AJAP1: variants seen among roughly 807,000 people sequenced by gnomAD.
AJAP1 encodes adherens junction-associated protein 1.
Under a neutral mutation model 35.0 loss-of-function variants are expected in AJAP1, and 5 were observed. The ratio of observed to expected loss-of-function variants is 0.14; its 90% CI spans 0.07 to 0.30. AJAP1 has a LOEUF of 0.30. Ranked by LOEUF, AJAP1 falls within the 10% of genes least tolerant of loss-of-function variation. The probability of loss-of-function intolerance (pLI) is 1.00; values close to 1 mark genes in which losing one functional copy is unlikely to be tolerated. For synonymous variants in AJAP1, 284 were observed against 249.3 expected (o/e 1.14, Z -1.31); for missense variants, 586 against 571.0 (o/e 1.03, Z -0.27).
Position 4,656,370 on chromosome 1 carries a change from A to G in AJAP1, c.29+916A>G, listed in dbSNP as rs1365342852. On this transcript the variant is annotated intron_variant, in intron 1 of 5. Transcript: ENST00000378191. The surrounding 1 kb of genome is among the most constrained non-coding windows in gnomAD (Gnocchi z 5.7). The stretch of plus-strand genomic sequence containing the variant: ...CCCTCGCCCTCCTGCCGGGGCATTC[A>G]CCGAGCTCGTGCATTTGGGTCCCGG... 6.6e-6 allele frequency among the ~76,000 whole-genome samples: 1 copy of G among 152,080 alleles called. No homozygotes were observed. Among genetic ancestry groups the G allele is most frequent in the Non-Finnish European group, 1.5e-5 (1 of 68,024 alleles).
Position 4,774,558 on chromosome 1 carries a change from G to C in AJAP1, c.*59G>C, listed in dbSNP as rs1477936070. The C allele has an allele frequency of 1.3e-6, 2 of 1,506,002 alleles. No individual in the cohort carries two copies. The highest frequency in any genetic ancestry group is 3.3e-5 in the Admixed American group (2 of 59,840). The allele number at this position is 1,506,002 out of a possible 1,614,324, so 93.3% of individuals were successfully genotyped here. The stretch of plus-strand genomic sequence containing the variant: ...GGCAGACGCCGTGTGTCTGTTTCAC[G>C]GTAGGTACCTCTCTTTGGACATTCC... On this transcript the variant is annotated splice_region_variant and 3_prime_UTR_variant, in exon 5 of 6. Coordinates refer to ENST00000378191, the MANE Select transcript of AJAP1 (RefSeq NM_018836.4).
intron 2 of AJAP1, among the ~76,000 whole-genome samples, chr1:4,745,733 A>T (rs1368417012): frequency 3.3e-5 from 5 of 152,042 alleles, no homozygotes; most frequent in African/African-American, 1.2e-4. Context: ...TCACGTGGGG[A>T]TGGTGGGTGG....
At chr1:4,772,230 G>A in intron 3 of AJAP1, 50 bp from the exon 4 acceptor site, 1 of 1,605,734 alleles carries the variant, frequency 6.2e-7, no homozygotes, top group Non-Finnish European at 8.5e-7. Context: ...TTGTGTTTGT[G>A]GGTTTCCGGC....
rs569513198 is a variant in AJAP1, at chr1:4,702,620, C to T, written c.30-9280C>T. On this transcript the variant is annotated intron_variant, in intron 1 of 5. Coordinates refer to ENST00000378191, the MANE Select transcript of AJAP1 (RefSeq NM_018836.4). Reference sequence around the variant, plus strand: ...CTGTCATGGTCCCTTCCGTCTGGGGCGTCCTGGGGCTCCCGGTGAGGCCAG... The same window carrying T: ...CTGTCATGGTCCCTTCCGTCTGGGGTGTCCTGGGGCTCCCGGTGAGGCCAG... 4.6e-5 allele frequency among the ~76,000 whole-genome samples: 7 copies of T among 152,278 alleles called. No homozygotes were observed. In the South Asian group the frequency reaches 1.0e-3, roughly 23 times the overall value.
In AJAP1 at chr1:4,764,618, C is replaced by A. The variant is rs375392462; in HGVS notation, c.830-5235C>A. On this transcript the variant is annotated intron_variant, in intron 2 of 5. Transcript: ENST00000378191. ...TGTCACCTGTCACCTATCAAACTTA[C>A]ACTTGTTGCATGACAGACATTTTTG... Among the ~76,000 whole-genome samples, 13 of 152,324 alleles carry A rather than the reference C, an allele frequency of 8.5e-5. No individual in the cohort carries two copies. The East Asian group carries it at 2.5e-3, about 29-fold the overall frequency.
chr1:4,702,190 C>T (rs1640004138), intron 1 of AJAP1, among the ~76,000 whole-genome samples: 1 of 151,870 alleles, frequency 6.6e-6, no homozygotes, highest in East Asian at 1.9e-4. Context: ...AGCGTGTCCC[C>T]AGTGTTCTAA....
In AJAP1 at chr1:4,750,264, G is replaced by A. The variant is rs1462623731; in HGVS notation, c.830-19589G>A. Among the ~76,000 whole-genome samples, 4 of 152,222 alleles carry A rather than the reference G, an allele frequency of 2.6e-5. 1 individual carries two copies. The South Asian group carries it at 8.3e-4, about 32-fold the overall frequency. The stretch of plus-strand genomic sequence containing the variant: ...TGTGTGTGCATGTGCAGGACAGTGT[G>A]TGTGCACACACACACATGCACCTAA... On this transcript the variant is annotated intron_variant, in intron 2 of 5. Coordinates refer to ENST00000378191, the MANE Select transcript of AJAP1 (RefSeq NM_018836.4).
chr1:4,672,349 G>A (rs1639268572), intron 1 of AJAP1, among the ~76,000 whole-genome samples: 1 of 152,212 alleles, frequency 6.6e-6, no homozygotes, highest in Non-Finnish European at 1.5e-5. Context: ...CGGAGACACA[G>A]CCAGGTACTT....
At chr1:4,699,762 T>G (rs1294339774) in intron 1 of AJAP1, among the ~76,000 whole-genome samples, 1 of 152,150 alleles carries the variant, frequency 6.6e-6, no homozygotes, top group Non-Finnish European at 1.5e-5. Flanking sequence ...TTTAAGAGAC[T>G]TCATTCCAGA....
chr1:4,753,318 A>G (rs1051223780), intron 2 of AJAP1, among the ~76,000 whole-genome samples: 5 of 150,616 alleles, frequency 3.3e-5, no homozygotes, highest in African/African-American at 1.0e-4. Context: ...TTACTGATCT[A>G]GGCCCAGTTT....
intron 2 of AJAP1, among the ~76,000 whole-genome samples, chr1:4,729,500 G>A (rs140393485): frequency 3.2e-4 from 42 of 129,822 alleles, no homozygotes; most frequent in African/African-American, 1.0e-3. Flanking sequence ...ACAGTTGCTC[G>A]TTGAAGTATG....
intron 2 of AJAP1, among the ~76,000 whole-genome samples, chr1:4,751,604 G>A (rs1157900990): frequency 6.6e-6 from 1 of 152,220 alleles, no homozygotes; most frequent in Non-Finnish European, 1.5e-5. Context: ...CCCACGGTCT[G>A]GCAGCTCATC....
intron 1 of AJAP1, among the ~76,000 whole-genome samples, chr1:4,669,794 G>A (rs1363699821): frequency 1.3e-5 from 2 of 152,248 alleles, no homozygotes; most frequent in Middle Eastern, 3.4e-3. Context: ...GATAGGCTAC[G>A]TGCTGTTTGC....
Position 4,791,790 on chromosome 1 carries a change from G to A in AJAP1, c.*9305G>A, listed in dbSNP as rs555147836. 3 of 152,330 alleles carry A rather than the reference G, an allele frequency of 2.0e-5. No homozygotes were observed. The East Asian group carries it at 5.8e-4, about 29-fold the overall frequency. The allele number at this position is 152,330 out of a possible 1,614,324, so 9.4% of individuals were successfully genotyped here. A position where few individuals can be genotyped will look rare whatever the true frequency, so the allele number is the denominator to read the frequency against. On this transcript the variant is annotated 3_prime_UTR_variant, in exon 6 of 6. Coordinates refer to ENST00000378191, the MANE Select transcript of AJAP1 (RefSeq NM_018836.4). ...CTAAGAGTCACAGATCTGAGAAATA[G>A]AAGGACCAGGTCCGTGTGGATGCTC...
chr1:4,756,973 C>T (rs946757051), intron 2 of AJAP1, among the ~76,000 whole-genome samples: 1 of 152,112 alleles, frequency 6.6e-6, no homozygotes, highest in African/African-American at 2.4e-5. Flanking sequence ...ACCTGCCTGC[C>T]CCCAGCCCTT....
chr1:4,769,717 G>T (rs1641791979), intron 2 of AJAP1, 136 bp from the exon 3 acceptor site: 4 of 754,876 alleles, frequency 5.3e-6, no homozygotes, highest in Non-Finnish European at 7.1e-6. Flanking sequence ...CTGTCATGCT[G>T]CCCCGAGTTC....
chr1:4,657,816 C>T (rs1026908159), intron 1 of AJAP1, among the ~76,000 whole-genome samples: 16 of 147,100 alleles, frequency 1.1e-4, no homozygotes, highest in Non-Finnish European at 1.7e-4. Flanking sequence ...GTATGTGGAG[C>T]TTTTTTTTTT....
intron 1 of AJAP1, among the ~76,000 whole-genome samples, chr1:4,689,892 G>A (rs1426075731): frequency 6.6e-6 from 1 of 152,036 alleles, no homozygotes; most frequent in African/African-American, 2.4e-5. Context: ...GGTCAGGGGA[G>A]AGGCTGGTTC....
chr1:4,692,190 A>T lies in AJAP1; in HGVS notation c.30-19710A>T, dbSNP rs1484285688. Among the ~76,000 whole-genome samples the T allele has an allele frequency of 6.6e-6, 1 of 152,140 alleles. No individual in the cohort carries two copies. The highest frequency in any genetic ancestry group is 2.4e-5 in the African/African-American group (1 of 41,434). Reference sequence around the variant, plus strand: ...CCCCGCTTAATAGGTGAGGAAACTTAGGCACAGAGGCACTCACTGTGCCAG... The same window carrying T: ...CCCCGCTTAATAGGTGAGGAAACTTTGGCACAGAGGCACTCACTGTGCCAG... On this transcript the variant is annotated intron_variant, in intron 1 of 5. Coordinates refer to ENST00000378191, the MANE Select transcript of AJAP1 (RefSeq NM_018836.4). This position sits in a 1 kb window ranked among gnomAD's most constrained non-coding sequence, Gnocchi z 4.4.
Sources: gnomAD v4.1 joint callset for allele counts (sites outside exome capture counted in the v4.1 genomes callset) on GRCh38, gnomAD v4.1.1 for gene constraint, Gnocchi (gnomAD v3.1) non-coding constraint, MANE v1.5 for transcripts, NCBI Gene and HGNC (gene_info 2026-07-23, HGNC 2026-07-21) for gene names.